Variants in NSD2 observed in about 807,000 individuals in gnomAD.
The protein encoded by NSD2 is histone-lysine N-methyltransferase NSD2.
Under a neutral mutation model 139.0 loss-of-function variants are expected in NSD2, and 12 were observed. The observed-to-expected ratio is 0.09, with a 90% CI of 0.06 to 0.14. NSD2 has a LOEUF of 0.14. Ranked by LOEUF, NSD2 falls within the 10% of genes least tolerant of loss-of-function variation. The pLI is 1.00. For missense variants in NSD2, 1,155 were observed against 1,745.0 expected (o/e 0.66, Z 6.02); for synonymous variants, 669 against 648.7 (o/e 1.03, Z -0.48).
In NSD2 at chr4:1,910,889, C is replaced by T. The variant is rs560989563; in HGVS notation, c.761-5982C>T. Among the ~76,000 whole-genome samples, 61 of 152,266 alleles carry T rather than the reference C, an allele frequency of 4.0e-4. No individual in the cohort carries two copies. The South Asian group carries it at 0.012, about 31-fold the overall frequency. On this transcript the variant is annotated intron_variant, in intron 3 of 21. Transcript: ENST00000508803. ...GAAACTCAGGCATGGTCATGCTTGT[C>T]CTTTGTTTCCCAGGGAGCTCTGTGG...
chr4:1,977,072 GGGCCT>G (rs1727164009), intron 21 of NSD2, among the ~76,000 whole-genome samples: 1 of 152,256 alleles, frequency 6.6e-6, no homozygotes, highest in South Asian at 2.1e-4. Flanking sequence ...CAGCCCAGAG[GGGCCT>G]GGCCTGGCTG....
Position 1,975,405 on chromosome 4 carries a change from G to A in NSD2, c.3621+5G>A. On this transcript the variant is annotated splice_donor_5th_base_variant and intron_variant, in intron 20 of 21. Transcript: ENST00000508803. The stretch of plus-strand genomic sequence containing the variant: ...TTCCTCGGGGATAGACCAAAGGTAA[G>A]GCTGTGGCGCCCTCCTTCCCCCCAG... The A allele has an allele frequency of 6.2e-7, 1 of 1,613,630 alleles. No homozygotes were observed. The highest frequency in any genetic ancestry group is 8.5e-7 in the Non-Finnish European group (1 of 1,179,622).
intron 11 of NSD2, chr4:1,953,072 C>T: frequency 1.4e-6 from 2 of 1,465,918 alleles, no homozygotes; most frequent in African/African-American, 1.4e-5. Context: ...CCTCCCCAGC[C>T]AGGCTGCCTA....
At chr4:1,916,278 T>A (rs1243004296) in intron 3 of NSD2, among the ~76,000 whole-genome samples, 2 of 152,244 alleles carry the variant, frequency 1.3e-5, no homozygotes, top group Admixed American at 6.5e-5. Context: ...TTATTTGGTA[T>A]CTTTTTAAGA....
intron 1 of NSD2, among the ~76,000 whole-genome samples, chr4:1,872,168 C>T (rs1713833945): frequency 6.6e-6 from 1 of 152,062 alleles, no homozygotes; most frequent in Admixed American, 6.5e-5. Flanking sequence ...GGAAGCCGGG[C>T]CGCGGTCCGG....
chr4:1,890,608 G>C (rs937327987), intron 1 of NSD2, among the ~76,000 whole-genome samples: 2 of 145,408 alleles, frequency 1.4e-5, no homozygotes, highest in Non-Finnish European at 3.0e-5. Context: ...GCCTATACAA[G>C]GTTTTTTATT....
At chr4:1,878,551 G>T (rs970276153) in intron 1 of NSD2, among the ~76,000 whole-genome samples, 2 of 151,900 alleles carry the variant, frequency 1.3e-5, no homozygotes, top group Admixed American at 6.6e-5. Context: ...TTTTCCTTTT[G>T]CTTGGCTTGC....
At position 1,980,790 on chromosome 4, in the gene NSD2, G is replaced by A. The variant is rs1297004194; in HGVS notation, c.*1881G>A. 3.9e-5 allele frequency: 9 copies of A among 233,134 alleles called. No individual in the cohort carries two copies. Among genetic ancestry groups the A allele is most frequent in the Admixed American group, 3.4e-4 (6 of 17,776 alleles). 14.4% of individuals were successfully genotyped at this position (233,134 alleles called of 1,614,324 possible). A position where few individuals can be genotyped will look rare whatever the true frequency, so the allele number is the denominator to read the frequency against. ...CCGTGGCCTCTGAGGGGCACTCGCC[G>A]GTTAAGACAGGGTGGGAGTAGTGCT... On this transcript the variant is annotated 3_prime_UTR_variant, in exon 22 of 22. Transcript: ENST00000508803.
At position 1,895,378 on chromosome 4, in the gene NSD2, G is replaced by A. The variant is rs568583386; in HGVS notation, c.-29-5248G>A. On this transcript the variant is annotated intron_variant, in intron 1 of 21. Transcript: ENST00000508803. ...GTAGGCACTTTATATTTGAAAGAAT[G>A]AAACATTCATGAATGTTATGTCTTA... is the stretch of plus-strand genomic sequence containing the variant. 8.5e-5 allele frequency among the ~76,000 whole-genome samples: 13 copies of A among 152,260 alleles called. No homozygotes were observed. The East Asian group carries it at 2.5e-3, about 29-fold the overall frequency.
chr4:1,975,931 GGACA>G (rs985734375), intron 20 of NSD2, among the ~76,000 whole-genome samples: 1 of 152,206 alleles, frequency 6.6e-6, no homozygotes, highest in African/African-American at 2.4e-5. Context: ...GTTCCAGGAA[GGACA>G]GAGATTTGGG....
chr4:1,884,420 G>A (rs2108683238), intron 1 of NSD2, among the ~76,000 whole-genome samples: 1 of 151,598 alleles, frequency 6.6e-6, no homozygotes, highest in East Asian at 2.0e-4. Context: ...TTGAGACGGA[G>A]TTGTGCCCTG....
chr4:1,917,591 C>T (rs1719563603), intron 4 of NSD2, among the ~76,000 whole-genome samples: 1 of 152,020 alleles, frequency 6.6e-6, no homozygotes, highest in Non-Finnish European at 1.5e-5. Flanking sequence ...TGCCTGCCAC[C>T]ACGCCTGGCT....
chr4:1,974,637 C>G lies in NSD2; in HGVS notation c.3373-226C>G. 1.4e-6 allele frequency: 1 copy of G among 709,690 alleles called. No homozygotes were observed. The highest frequency in any genetic ancestry group is 1.4e-5 in the South Asian group (1 of 71,354). The allele number at this position is 709,690 out of a possible 1,614,324, so 44.0% of individuals were successfully genotyped here. The stretch of plus-strand genomic sequence containing the variant: ...CAGCTCCCTGTCCTGTCCTCCCCGG[C>G]GCTCACTAAGGCTCGGTCCTCTCCA... On this transcript the variant is annotated intron_variant, in intron 18 of 21. Transcript: ENST00000508803. This position sits in a 1 kb window ranked among gnomAD's most constrained non-coding sequence, Gnocchi z 4.0.
chr4:1,901,916 G>C lies in NSD2; in HGVS notation c.597+665G>C, dbSNP rs545357348. ...CTAACTTGCGATGGAAAGGTGTGGT[G>C]GTGCTGCTCCATTCTGCCTGGTGAT... On this transcript the variant is annotated intron_variant, in intron 2 of 21. Transcript: ENST00000508803. 4.6e-5 allele frequency among the ~76,000 whole-genome samples: 7 copies of C among 152,330 alleles called. No homozygotes were observed. In the South Asian group the frequency reaches 1.5e-3, roughly 32 times the overall value.
chr4:1,912,223 TCTTCTA>T (rs978321741), intron 3 of NSD2: 1 of 233,222 alleles, frequency 4.3e-6, no homozygotes, highest in Non-Finnish European at 8.9e-6. Flanking sequence ...TTCATCATTT[TCTTCTA>T]CTTCTAATAC....
At chr4:1,969,070 G>T (rs1194375446) in intron 18 of NSD2, among the ~76,000 whole-genome samples, 2 of 152,222 alleles carry the variant, frequency 1.3e-5, no homozygotes, top group Admixed American at 6.5e-5. Context: ...GACACAGGGG[G>T]TGCAGAGACA....
chr4:1,880,111 ATG>A (rs750198438), intron 1 of NSD2, among the ~76,000 whole-genome samples: 10 of 152,120 alleles, frequency 6.6e-5, no homozygotes, highest in Non-Finnish European at 1.3e-4. Context: ...TGGTTAAAAT[ATG>A]TGTTAGAAAT....
intron 16 of NSD2, among the ~76,000 whole-genome samples, 198 bp from the exon 17 acceptor site, chr4:1,959,273 G>T (rs1380485233): frequency 6.6e-6 from 1 of 152,158 alleles, no homozygotes; most frequent in Non-Finnish European, 1.5e-5. Flanking sequence ...TGCCCTGCCT[G>T]CCTCTTGTGC....
intron 4 of NSD2, 111 bp from the exon 5 acceptor site, chr4:1,918,030 C>A: frequency 7.4e-7 from 1 of 1,352,176 alleles, no homozygotes; most frequent in Non-Finnish European, 9.9e-7. Flanking sequence ...ATCCATCTGC[C>A]TTGACACCCA....
Sources: allele counts gnomAD v4.1 joint callset (sites outside exome capture counted in the v4.1 genomes callset), GRCh38; gene constraint gnomAD v4.1.1; non-coding constraint Gnocchi (gnomAD v3.1); transcripts MANE v1.5; gene names NCBI Gene and HGNC (gene_info 2026-07-23, HGNC 2026-07-21).